CCL28: variants seen among roughly 807,000 people sequenced by gnomAD.
The protein encoded by CCL28 is C-C motif chemokine ligand 28, also known as C-C motif chemokine 28.
In CCL28, 4 loss-of-function variants were observed where a neutral mutation model predicts 7.1. The observed-to-expected ratio is 0.56, with a 90% CI of 0.28 to 1.29. CCL28 has a LOEUF of 1.29. CCL28 is among the 50% of genes most tolerant of loss of function. The pLI is 0.11. For synonymous variants in CCL28, 55 were observed against 57.8 expected (o/e 0.95, Z 0.22); for missense variants, 151 against 163.4 (o/e 0.92, Z 0.41).
chr5:43,370,313 A>G, the CCL28 span, among the ~76,000 whole-genome samples: 1 of 152,064 alleles, frequency 6.6e-6, no homozygotes, highest in African/African-American at 2.4e-5. Context: ...CTATGCTCCT[A>G]CTTTCTCACA....
the CCL28 span, among the ~76,000 whole-genome samples, chr5:43,358,564 A>G: frequency 6.6e-6 from 1 of 152,146 alleles, no homozygotes; most frequent in African/African-American, 2.4e-5. Context: ...TTTTGGTTTG[A>G]TCTGTTGGAC....
the CCL28 span, among the ~76,000 whole-genome samples, chr5:43,369,614 G>T: frequency 6.6e-6 from 1 of 151,938 alleles, no homozygotes; most frequent in Admixed American, 6.6e-5. Flanking sequence ...TCAGTAGACG[G>T]GGTTTCACCA....
At chr5:43,357,047 C>G in the CCL28 span, among the ~76,000 whole-genome samples, 3 of 152,182 alleles carry the variant, frequency 2.0e-5, no homozygotes, top group Non-Finnish European at 4.4e-5. Flanking sequence ...GTGGGTTCAA[C>G]TGAATGGCTC....
chr5:43,372,209 A>C (rs1421984192), downstream of CCL28, among the ~76,000 whole-genome samples: 1 of 152,212 alleles, frequency 6.6e-6, no homozygotes, highest in Non-Finnish European at 1.5e-5. Context: ...GGGCAAACAT[A>C]GCTAACTGTA....
At chr5:43,366,986 C>T in the CCL28 span, among the ~76,000 whole-genome samples, 1 of 151,652 alleles carries the variant, frequency 6.6e-6, no homozygotes, top group Non-Finnish European at 1.5e-5. Context: ...TTTGTGTTTA[C>T]ACTTTGTTTA....
At chr5:43,382,586 T>G (rs1002974968) in intron 2 of CCL28, among the ~76,000 whole-genome samples, 1 of 152,196 alleles carries the variant, frequency 6.6e-6, no homozygotes, top group Admixed American at 6.5e-5. Flanking sequence ...GTCTTTTATC[T>G]GAGTACTTGT....
At chr5:43,388,130 A>G in intron 2 of CCL28, 1 of 495,642 alleles carries the variant, frequency 2.0e-6, no homozygotes, top group Non-Finnish European at 3.5e-6. Context: ...GTGGAAGTAG[A>G]TGGTGTGCTG....
intron 1 of CCL28, 116 bp downstream of exon 1, chr5:43,412,137 T>C: frequency 1.5e-6 from 1 of 663,624 alleles, no homozygotes; most frequent in Non-Finnish European, 2.4e-6. Flanking sequence ...AGAAATCAAT[T>C]GGAAATTCCT....
chr5:43,381,800 C>G lies in CCL28; in HGVS notation c.*60G>C. ...AAGGAGAATTCAGATGATAAACTTACAACCAATCATGGCCAAGTCCACTTG... is the reference window on the plus strand; with the variant it reads ...AAGGAGAATTCAGATGATAAACTTAGAACCAATCATGGCCAAGTCCACTTG... On this transcript the variant is annotated 3_prime_UTR_variant, in exon 3 of 3. Coordinates refer to ENST00000361115, the MANE Select transcript of CCL28 (RefSeq NM_148672.3). 7.3e-7 allele frequency: 1 copy of G among 1,379,124 alleles called. No individual in the cohort carries two copies. The highest frequency in any genetic ancestry group is 2.3e-5 in the East Asian group (1 of 43,306). 85.4% of individuals were successfully genotyped at this position (1,379,124 alleles called of 1,614,324 possible). A position where few individuals can be genotyped will look rare whatever the true frequency, so the allele number is the denominator to read the frequency against.
chr5:43,382,835 T>G (rs1740177333), intron 2 of CCL28, among the ~76,000 whole-genome samples: 1 of 152,068 alleles, frequency 6.6e-6, no homozygotes. Context: ...TTGTTTTTGG[T>G]GAGATGGAGT....
chr5:43,361,953 T>G, the CCL28 span, among the ~76,000 whole-genome samples: 2 of 152,204 alleles, frequency 1.3e-5, no homozygotes, highest in South Asian at 4.1e-4. Flanking sequence ...TTTGTTTTTT[T>G]GCTTAGGATT....
At chr5:43,364,958 A>T in the CCL28 span, among the ~76,000 whole-genome samples, 1 of 148,240 alleles carries the variant, frequency 6.7e-6, no homozygotes, top group Non-Finnish European at 1.5e-5. Context: ...GTGTCTCTGC[A>T]TGTGAGATGC....
At chr5:43,393,651 G>A (rs1196445953) in intron 1 of CCL28, among the ~76,000 whole-genome samples, 3 of 152,126 alleles carry the variant, frequency 2.0e-5, no homozygotes, top group Non-Finnish European at 2.9e-5. Flanking sequence ...CACCGCGCCC[G>A]GCCTCCTTTC....
At chr5:43,362,434 C>A in the CCL28 span, among the ~76,000 whole-genome samples, 1 of 152,000 alleles carries the variant, frequency 6.6e-6, no homozygotes, top group African/African-American at 2.4e-5. Flanking sequence ...ATCTGCAAAA[C>A]TTTTCTACCT....
intron 1 of CCL28, among the ~76,000 whole-genome samples, chr5:43,406,828 G>A (rs1322884659): frequency 2.0e-5 from 3 of 152,164 alleles, no homozygotes; most frequent in African/African-American, 7.2e-5. Flanking sequence ...AAAATCACAA[G>A]CATTCCTATA....
At chr5:43,384,556 T>C (rs957060123) in intron 2 of CCL28, among the ~76,000 whole-genome samples, 3 of 152,146 alleles carry the variant, frequency 2.0e-5, no homozygotes, top group Non-Finnish European at 4.4e-5. Flanking sequence ...TTCCATAGTA[T>C]TCTGATGGGC....
At chr5:43,369,086 A>C in the CCL28 span, among the ~76,000 whole-genome samples, 2 of 122,722 alleles carry the variant, frequency 1.6e-5, no homozygotes, top group South Asian at 2.8e-4. Flanking sequence ...GAGAGAGAGA[A>C]CCAGTAAGAC....
At position 43,388,490 on chromosome 5, in the gene CCL28, A is replaced by C. The variant is rs377240062; in HGVS notation, c.65-14T>G. The stretch of plus-strand genomic sequence containing the variant: ...TGGGAAGTATGGCTAAAAGAAGAAA[A>C]GAAAGAAAATGTTAAATTTTACGGT... On this transcript the variant is annotated splice_polypyrimidine_tract_variant and intron_variant, in intron 1 of 2. Transcript: ENST00000361115. 3.4e-5 allele frequency: 55 copies of C among 1,612,266 alleles called. No homozygotes were observed. Among genetic ancestry groups the C allele is most frequent in the Non-Finnish European group, 4.4e-5 (52 of 1,179,582 alleles).
At chr5:43,383,615 G>T (rs1043716719) in intron 2 of CCL28, among the ~76,000 whole-genome samples, 3 of 152,084 alleles carry the variant, frequency 2.0e-5, no homozygotes, top group Non-Finnish European at 2.9e-5. Flanking sequence ...TCTCACTATG[G>T]TCAGTTGGTT....
Sources: gnomAD v4.1 joint callset for allele counts (sites outside exome capture counted in the v4.1 genomes callset) on GRCh38, gnomAD v4.1.1 for gene constraint, MANE v1.5 for transcripts, NCBI Gene and HGNC (gene_info 2026-07-23, HGNC 2026-07-21) for gene names.